Variants in SCML2 observed in about 807,000 individuals in gnomAD.
The protein encoded by SCML2 is Scm polycomb group protein like 2, also known as sex comb on midleg-like protein 2.
A neutral mutation model predicts 48.4 loss-of-function variants in SCML2; 6 were observed. The observed-to-expected ratio is 0.12, with a 90% CI of 0.07 to 0.24. The LOEUF (loss-of-function observed/expected upper bound fraction) is 0.24, where lower values mean the gene tolerates loss of function less well. Among genes scored for constraint, SCML2 ranks in the 10% least tolerant of loss-of-function variants. The pLI is 1.00. For synonymous variants in SCML2, 181 were observed against 189.5 expected (o/e 0.95, Z 0.37); for missense variants, 377 against 528.2 (o/e 0.71, Z 2.81).
At chrX:18,307,677 T>G (rs1928800258) in intron 6 of SCML2, among the ~76,000 whole-genome samples, 1 of 111,855 alleles carries the variant, frequency 8.9e-6, no homozygotes, top group Admixed American at 9.5e-5. Context: ...AATTTTAAGA[T>G]TCAAATATGT....
intron 6 of SCML2, among the ~76,000 whole-genome samples, chrX:18,314,359 G>A (rs1929050078): frequency 9.0e-6 from 1 of 110,820 alleles, no homozygotes; most frequent in Admixed American, 9.7e-5. Context: ...ATTTCTCAAG[G>A]CTCTCACCTT....
intron 6 of SCML2, among the ~76,000 whole-genome samples, chrX:18,314,436 C>G (rs754406007): frequency 2.7e-5 from 3 of 111,796 alleles, no homozygotes; most frequent in Non-Finnish European, 5.6e-5. Context: ...GCTTCTATCA[C>G]TACTATTTCT....
At position 18,333,395 on chromosome X, in the gene SCML2, C is replaced by G. The variant is rs189296750; in HGVS notation, c.22+655G>C. On this transcript the variant is annotated intron_variant, in intron 2 of 14. Coordinates refer to ENST00000251900, the MANE Select transcript of SCML2 (RefSeq NM_006089.3). ...AGTCATCTTATCCTCTCCTCTCTCA[C>G]CAAAAAGCCAAACTTGAATCTGTAC... is the stretch of plus-strand genomic sequence containing the variant. 6.8e-4 allele frequency among the ~76,000 whole-genome samples: 76 copies of G among 112,270 alleles called. 2 individuals carry two copies. The highest frequency in any genetic ancestry group is 2.1e-4 in the Non-Finnish European group (11 of 53,263).
At chrX:18,246,125 G>A (rs1926437475) in intron 13 of SCML2, among the ~76,000 whole-genome samples, 1 of 112,096 alleles carries the variant, frequency 8.9e-6, no homozygotes, top group African/African-American at 3.2e-5. Context: ...GAAGGATGTG[G>A]AGAGTGAGGA....
chrX:18,244,460 G>T (rs1002562739), intron 13 of SCML2, among the ~76,000 whole-genome samples: 2 of 111,939 alleles, frequency 1.8e-5, no homozygotes, highest in Non-Finnish European at 3.8e-5. Flanking sequence ...AAAAAGATAT[G>T]ATTTGGGGTA....
chrX:18,249,405 C>T (rs1602073989), intron 11 of SCML2, among the ~76,000 whole-genome samples: 1 of 111,443 alleles, frequency 9.0e-6, no homozygotes, highest in East Asian at 2.8e-4. Flanking sequence ...TCTCCAAAAG[C>T]CCCATGCCCA....
chrX:18,313,140 T>C (rs1368479405), intron 6 of SCML2, among the ~76,000 whole-genome samples: 2 of 110,723 alleles, frequency 1.8e-5, no homozygotes, highest in Admixed American at 1.9e-4. Flanking sequence ...CTTTGCCCTG[T>C]TATTCCAAAC....
chrX:18,280,008 T>C, intron 7 of SCML2, among the ~76,000 whole-genome samples: 1 of 110,990 alleles, frequency 9.0e-6, no homozygotes, highest in East Asian at 2.8e-4. Context: ...ACAGAAGAAA[T>C]ACAGAGAACA....
chrX:18,280,158 T>C (rs1286463663), intron 7 of SCML2, among the ~76,000 whole-genome samples: 4 of 111,582 alleles, frequency 3.6e-5, no homozygotes, highest in African/African-American at 1.3e-4. Context: ...AGACTATCAG[T>C]AGACCCTCAG....
At chrX:18,251,052 A>T (rs1926639432) in intron 11 of SCML2, among the ~76,000 whole-genome samples, 2 of 110,266 alleles carry the variant, frequency 1.8e-5, no homozygotes, top group African/African-American at 6.6e-5. Context: ...ATTACCTCCT[A>T]CTGGGTCCCT....
chrX:18,244,360 AT>A (rs1178598231), intron 13 of SCML2, among the ~76,000 whole-genome samples: 1 of 111,921 alleles, frequency 8.9e-6, no homozygotes, highest in East Asian at 2.8e-4. Context: ...TTTTTGTGGA[AT>A]TTCTGGTTTC....
At chrX:18,290,438 G>A (rs923427235) in intron 7 of SCML2, among the ~76,000 whole-genome samples, 5 of 111,207 alleles carry the variant, frequency 4.5e-5, no homozygotes, top group Non-Finnish European at 9.4e-5. Context: ...CCTTATACTC[G>A]GCATCTGGAA....
chrX:18,351,587 G>C (rs1930376707), intron 1 of SCML2, among the ~76,000 whole-genome samples: 1 of 106,707 alleles, frequency 9.4e-6, no homozygotes, highest in Non-Finnish European at 1.9e-5. Context: ...CCCACCCCGA[G>C]AGGGTAGCTA....
intron 1 of SCML2, among the ~76,000 whole-genome samples, chrX:18,344,076 G>GT (rs1930122931): frequency 9.1e-6 from 1 of 110,060 alleles, no homozygotes; most frequent in Non-Finnish European, 1.9e-5. Context: ...GCTCATGCCC[G>GT]TAATGCCGGC....
At chrX:18,324,248 C>T (rs1929412190) in intron 4 of SCML2, among the ~76,000 whole-genome samples, 155 bp from the exon 5 acceptor site, 1 of 111,475 alleles carries the variant, frequency 9.0e-6, no homozygotes, top group African/African-American at 3.3e-5. Context: ...AAAAGATCTT[C>T]AAAATTCTCT....
chrX:18,270,173 G>A (rs922167003), intron 7 of SCML2, among the ~76,000 whole-genome samples: 28 of 108,365 alleles, frequency 2.6e-4, no homozygotes, highest in African/African-American at 8.8e-4. Flanking sequence ...GACTACAGGC[G>A]CGTGCCACCA....
intron 11 of SCML2, among the ~76,000 whole-genome samples, chrX:18,254,110 T>G (rs1342723939): frequency 2.7e-5 from 3 of 111,920 alleles, no homozygotes; most frequent in Non-Finnish European, 3.8e-5. Context: ...GCATGAAAAT[T>G]AATCAAGCTA....
At chrX:18,315,154 G>A (rs1335831542) in intron 6 of SCML2, among the ~76,000 whole-genome samples, 1 of 106,961 alleles carries the variant, frequency 9.3e-6, no homozygotes, top group African/African-American at 3.4e-5. Flanking sequence ...GGGGAATTAG[G>A]GATATTATCT....
chrX:18,276,939 T>C (rs1437911781), intron 7 of SCML2, among the ~76,000 whole-genome samples: 1 of 110,997 alleles, frequency 9.0e-6, no homozygotes, highest in Admixed American at 9.5e-5. Context: ...GTGAATGTAC[T>C]AAATGCTCTT....
Sources: gnomAD v4.1 joint callset for allele counts (sites outside exome capture counted in the v4.1 genomes callset) on GRCh38, gnomAD v4.1.1 for gene constraint, MANE v1.5 for transcripts, NCBI Gene and HGNC (gene_info 2026-07-23, HGNC 2026-07-21) for gene names.